The following SLC39A12 variants were observed in gnomAD, a reference collection of about 807,000 sequenced individuals.
The protein encoded by SLC39A12 is zinc transporter ZIP12.
Under a neutral mutation model 71.1 loss-of-function variants are expected in SLC39A12, and 63 were observed. That is an observed-to-expected ratio of 0.89 (90% CI 0.72 to 1.09). SLC39A12 has a LOEUF of 1.09. Ranked by LOEUF, SLC39A12 falls within the 50% of genes least tolerant of loss-of-function variation. SLC39A12 has a pLI of 0.00. For missense variants in SLC39A12, 892 were observed against 812.6 expected (o/e 1.10, Z -1.19); for synonymous variants, 351 against 301.3 (o/e 1.16, Z -1.71).
Position 17,995,666 on chromosome 10 carries a change from A to G in SLC39A12, c.1544A>G (p.Glu515Gly). 6.2e-7 allele frequency: 1 copy of G among 1,613,152 alleles called. No homozygotes were observed. ...TTTAATTTAAAATAGAAAAGCCCAG[A>G]AGATTCACAGGCAGCTGAAATGCCT... ...SASTIQLKSP[E>G]DSQAAEMPIG... Residue 515 changes from glutamate to glycine, a missense_variant, in exon 10 of 13, where the codon GAA becomes GGA. Coordinates refer to ENST00000377369, the MANE Select transcript of SLC39A12 (RefSeq NM_001145195.2).
At chr10:18,017,096 C>T (rs536165225) in intron 12 of SLC39A12, among the ~76,000 whole-genome samples, 2 of 152,008 alleles carry the variant, frequency 1.3e-5, no homozygotes, top group Non-Finnish European at 2.9e-5. Context: ...GAAGCTTGGC[C>T]CAAATAAATT....
intron 4 of SLC39A12, among the ~76,000 whole-genome samples, 167 bp downstream of exon 4, chr10:17,965,857 C>T (rs1002781098): frequency 1.2e-4 from 18 of 152,254 alleles, no homozygotes; most frequent in Non-Finnish European, 1.8e-4. Flanking sequence ...TCAAGGCAAG[C>T]GTGCTATGAA....
At chr10:17,979,282 C>A (rs2497830) in intron 5 of SLC39A12, among the ~76,000 whole-genome samples, 32,933 of 152,044 alleles carry the variant, frequency 0.22, 4,499 homozygotes, top group Admixed American at 0.35. Context: ...TACTTAATGA[C>A]CTAAATGGCA....
In SLC39A12 at chr10:18,021,279, T is replaced by G. The variant is rs554674307; in HGVS notation, c.1947+17921T>G. Among the ~76,000 whole-genome samples the G allele has an allele frequency of 1.6e-4, 25 of 152,100 alleles. No individual in the cohort carries two copies. In the South Asian group the frequency reaches 3.9e-3, roughly 24 times the overall value. ...TTGTCAAAGATCAGATCATTGTAAGTGTACAGTTTTATTTCTGTGTTTTCT... is the reference window on the plus strand; with the variant it reads ...TTGTCAAAGATCAGATCATTGTAAGGGTACAGTTTTATTTCTGTGTTTTCT... On this transcript the variant is annotated intron_variant, in intron 12 of 12. Transcript: ENST00000377369.
chr10:17,957,042 C>T (rs1280451903), intron 2 of SLC39A12, among the ~76,000 whole-genome samples: 1 of 152,048 alleles, frequency 6.6e-6, no homozygotes, highest in African/African-American at 2.4e-5. Context: ...TTATAGAAAC[C>T]TGAGAACTTA....
intron 7 of SLC39A12, among the ~76,000 whole-genome samples, chr10:17,988,827 C>T (rs1308958752): frequency 6.6e-6 from 1 of 152,244 alleles, no homozygotes; most frequent in Non-Finnish European, 1.5e-5. Context: ...CTCCACGGCT[C>T]ACTGGCCTTC....
At chr10:18,021,124 T>C (rs1328952442) in intron 12 of SLC39A12, among the ~76,000 whole-genome samples, 1 of 152,076 alleles carries the variant, frequency 6.6e-6, no homozygotes, top group East Asian at 1.9e-4. Context: ...AAGTCTTTAA[T>C]CCATCTCAAG....
intron 2 of SLC39A12, among the ~76,000 whole-genome samples, chr10:17,957,279 A>C (rs1834575285): frequency 6.6e-6 from 1 of 152,172 alleles, no homozygotes; most frequent in Non-Finnish European, 1.5e-5. Flanking sequence ...AGGCTGGGTG[A>C]GACCATGTGA....
chr10:18,023,433 A>G (rs1227262270), intron 12 of SLC39A12, among the ~76,000 whole-genome samples: 1 of 152,142 alleles, frequency 6.6e-6, no homozygotes, highest in African/African-American at 2.4e-5. Flanking sequence ...GCCTGGTGGT[A>G]GGGGACCAGG....
intron 12 of SLC39A12, among the ~76,000 whole-genome samples, chr10:18,037,738 G>A (rs938235784): frequency 1.3e-5 from 2 of 152,084 alleles, no homozygotes; most frequent in Admixed American, 1.3e-4. Flanking sequence ...AGAAGGCACA[G>A]CTAGGCCAGG....
At chr10:18,025,210 T>G (rs1836642609) in intron 12 of SLC39A12, among the ~76,000 whole-genome samples, 1 of 148,172 alleles carries the variant, frequency 6.7e-6, no homozygotes, top group Admixed American at 6.8e-5. Context: ...GCATTTTACA[T>G]GGTTCTGTTT....
At chr10:17,996,641 C>A (rs1488603686) in intron 10 of SLC39A12, among the ~76,000 whole-genome samples, 1 of 152,128 alleles carries the variant, frequency 6.6e-6, no homozygotes, top group Non-Finnish European at 1.5e-5. Context: ...TAGTTGTTAG[C>A]GAGGTTAAAT....
chr10:17,963,560 C>A (rs1834745861), intron 3 of SLC39A12, among the ~76,000 whole-genome samples: 1 of 152,220 alleles, frequency 6.6e-6, no homozygotes, highest in African/African-American at 2.4e-5. Context: ...TGCTACACCT[C>A]AGGCCAGTGA....
chr10:18,013,843 A>G (rs901786117), intron 12 of SLC39A12, among the ~76,000 whole-genome samples: 1 of 152,216 alleles, frequency 6.6e-6, no homozygotes, highest in Non-Finnish European at 1.5e-5. Flanking sequence ...GTCTGTAGCC[A>G]GTACCACACT....
chr10:17,972,826 C>G (rs1432311332), intron 4 of SLC39A12, among the ~76,000 whole-genome samples: 1 of 151,514 alleles, frequency 6.6e-6, no homozygotes, highest in Non-Finnish European at 1.5e-5. Flanking sequence ...GAGTTTAGTT[C>G]ATTTCCATTC....
chr10:18,000,836 C>A lies in SLC39A12; in HGVS notation c.1759+11C>A. 1.2e-6 allele frequency: 2 copies of A among 1,611,770 alleles called. No individual in the cohort carries two copies. Among genetic ancestry groups the A allele is most frequent in the Non-Finnish European group, 1.7e-6 (2 of 1,178,336 alleles). ...TCCCACATGAAATGGGTAAGTTCAACAATGGAATTACTGTTTCTGGCCTGT... is the reference window on the plus strand; with the variant it reads ...TCCCACATGAAATGGGTAAGTTCAAAAATGGAATTACTGTTTCTGGCCTGT... On this transcript the variant is annotated intron_variant, in intron 11 of 12. Transcript: ENST00000377369.
chr10:17,990,964 G>A (rs768175335), intron 7 of SLC39A12, among the ~76,000 whole-genome samples, 187 bp from the exon 8 acceptor site: 1 of 152,154 alleles, frequency 6.6e-6, no homozygotes, highest in Non-Finnish European at 1.5e-5. Context: ...TGATTGAAGT[G>A]TATAGTGGAA....
intron 12 of SLC39A12, among the ~76,000 whole-genome samples, chr10:18,030,389 C>G (rs561413382): frequency 9.9e-4 from 151 of 151,888 alleles, no homozygotes; most frequent in African/African-American, 3.2e-3. Context: ...ATGGGCCCAC[C>G]ACCACACCCA....
chr10:18,019,183 G>C (rs1313390347), intron 12 of SLC39A12, among the ~76,000 whole-genome samples: 1 of 152,168 alleles, frequency 6.6e-6, no homozygotes, highest in African/African-American at 2.4e-5. Flanking sequence ...TGGGGGCATA[G>C]AGTTGTTCCT....
Sources: allele counts gnomAD v4.1 joint callset (sites outside exome capture counted in the v4.1 genomes callset), GRCh38; gene constraint gnomAD v4.1.1; transcripts MANE v1.5; gene names NCBI Gene and HGNC (gene_info 2026-07-23, HGNC 2026-07-21).